Variants in ZC3H12B observed in about 807,000 individuals in gnomAD.
ZC3H12B encodes the protein probable ribonuclease ZC3H12B.
A neutral mutation model predicts 43.9 loss-of-function variants in ZC3H12B; 7 were observed. The observed-to-expected ratio is 0.16, with a 90% CI of 0.09 to 0.30. ZC3H12B has a LOEUF of 0.30. Among genes scored for constraint, ZC3H12B ranks in the 10% least tolerant of loss-of-function variants. ZC3H12B has a pLI of 1.00. For synonymous variants in ZC3H12B, 222 were observed against 241.7 expected, an observed-to-expected ratio of 0.92 and a Z score of 0.76; for missense variants, 475 against 670.2, an observed-to-expected ratio of 0.71 and a Z score of 3.22.
the ZC3H12B span, among the ~76,000 whole-genome samples, chrX:65,267,809 C>T: frequency 9.0e-6 from 1 of 111,303 alleles, no homozygotes; most frequent in Admixed American, 9.6e-5. Context: ...CAATAAATGC[C>T]TAATTTTTTA....
chrX:65,149,129 G>A, the ZC3H12B span, among the ~76,000 whole-genome samples: 57 of 111,279 alleles, frequency 5.1e-4, no homozygotes, highest in Non-Finnish European at 8.7e-4. Context: ...CCTGTCTCAG[G>A]CCCCCAGGGT....
intron 2 of ZC3H12B, among the ~76,000 whole-genome samples, chrX:65,373,580 T>C (rs1376533553): frequency 1.8e-5 from 2 of 108,618 alleles, no homozygotes; most frequent in Non-Finnish European, 1.9e-5. Context: ...GATGAGTTCA[T>C]GTCCTTTGTA....
the ZC3H12B span, among the ~76,000 whole-genome samples, chrX:65,120,775 C>G: frequency 2.7e-5 from 3 of 111,245 alleles, no homozygotes; most frequent in Admixed American, 1.9e-4. Flanking sequence ...GTATGATATT[C>G]ACTGTGGGTT....
the ZC3H12B span, among the ~76,000 whole-genome samples, chrX:65,076,874 TTTC>T: frequency 6.6e-4 from 74 of 112,086 alleles, no homozygotes; most frequent in African/African-American, 2.2e-3. Flanking sequence ...CAGTTTTAAC[TTTC>T]TTATCAGGTG....
At chrX:65,483,708 C>T (rs1274028267) in intron 3 of ZC3H12B, among the ~76,000 whole-genome samples, 1 of 111,920 alleles carries the variant, frequency 8.9e-6, no homozygotes, top group African/African-American at 3.2e-5. Context: ...TTACTGTTAT[C>T]GAAGTTTTAT....
intron 2 of ZC3H12B, among the ~76,000 whole-genome samples, chrX:65,393,094 G>A (rs1434285942): frequency 2.7e-5 from 3 of 110,867 alleles, no homozygotes; most frequent in Admixed American, 1.9e-4. Context: ...CAAGTACCCA[G>A]GGACACAAAC....
chrX:65,102,264 C>T, the ZC3H12B span, among the ~76,000 whole-genome samples: 2 of 111,505 alleles, frequency 1.8e-5, no homozygotes, highest in African/African-American at 6.5e-5. Context: ...TATGACAAAC[C>T]CATAGCCAAT....
intron 3 of ZC3H12B, among the ~76,000 whole-genome samples, chrX:65,414,957 C>T (rs2066943331): frequency 8.9e-6 from 1 of 112,045 alleles, no homozygotes; most frequent in Non-Finnish European, 1.9e-5. Flanking sequence ...GTGACACAGC[C>T]TCAGGAAAAC....
chrX:65,437,260 T>G (rs1033087087), intron 3 of ZC3H12B, among the ~76,000 whole-genome samples: 1 of 111,777 alleles, frequency 8.9e-6, no homozygotes, highest in African/African-American at 3.3e-5. Flanking sequence ...CTCATTCTAA[T>G]GATATTTTTG....
At chrX:65,332,906 G>A in the ZC3H12B span, among the ~76,000 whole-genome samples, 1 of 111,787 alleles carries the variant, frequency 8.9e-6, no homozygotes, top group African/African-American at 3.2e-5. Flanking sequence ...TATGATACTT[G>A]GCCTGTTTAT....
the ZC3H12B span, among the ~76,000 whole-genome samples, chrX:65,207,019 G>A: frequency 1.8e-5 from 2 of 109,283 alleles, no homozygotes; most frequent in Non-Finnish European, 3.8e-5. Flanking sequence ...TAATATTGGT[G>A]TGGATGTGGT....
chrX:65,394,339 T>C (rs2066667086), intron 2 of ZC3H12B, among the ~76,000 whole-genome samples: 1 of 112,682 alleles, frequency 8.9e-6, no homozygotes, highest in African/African-American at 3.2e-5. Context: ...TTTTAGGTTT[T>C]ACATTTAAGT....
At chrX:65,256,272 A>C in the ZC3H12B span, among the ~76,000 whole-genome samples, 1 of 112,306 alleles carries the variant, frequency 8.9e-6, no homozygotes, top group Non-Finnish European at 1.9e-5. Flanking sequence ...TCTAAAATTA[A>C]CTACACAGTT....
the ZC3H12B span, among the ~76,000 whole-genome samples, chrX:65,252,800 A>C: frequency 1.8e-5 from 2 of 112,116 alleles, no homozygotes; most frequent in African/African-American, 3.2e-5. Flanking sequence ...TTTTAGGAGA[A>C]AGTTCAGAAA....
chrX:65,274,417 A>G, the ZC3H12B span, among the ~76,000 whole-genome samples: 1 of 110,402 alleles, frequency 9.1e-6, no homozygotes, highest in Non-Finnish European at 1.9e-5. Context: ...CTGAGGCTCC[A>G]TCTTTATTAC....
chrX:65,113,986 T>C, the ZC3H12B span, among the ~76,000 whole-genome samples: 2 of 4,198 alleles, frequency 4.8e-4, no homozygotes, highest in South Asian at 0.016. Context: ...GATATGCTTG[T>C]ATATATATAT....
exon 2 of ZC3H12B, chrX:65,497,231 A>C: frequency 8.3e-7 from 1 of 1,211,373 alleles, no homozygotes; most frequent in Non-Finnish European, 1.1e-6. Flanking sequence ...TTGTGCCTGC[A>C]TGGAGAAAGG....
At chrX:65,104,954 C>A in the ZC3H12B span, among the ~76,000 whole-genome samples, 1 of 111,556 alleles carries the variant, frequency 9.0e-6, no homozygotes. Context: ...CACATGCACA[C>A]GTATATTTAT....
chrX:65,469,845 T>C (rs1338311342), intron 3 of ZC3H12B, among the ~76,000 whole-genome samples: 2 of 111,681 alleles, frequency 1.8e-5, no homozygotes, highest in African/African-American at 6.5e-5. Flanking sequence ...GACACGTGCC[T>C]ATAATCCCAG....
Sources: gnomAD v4.1 joint callset for allele counts (sites outside exome capture counted in the v4.1 genomes callset) on GRCh38, gnomAD v4.1.1 for gene constraint, MANE v1.5 for transcripts, NCBI Gene and HGNC (gene_info 2026-07-23, HGNC 2026-07-21) for gene names.